NEGR1: variants seen among roughly 807,000 people sequenced by gnomAD.
The protein encoded by NEGR1 is IgLON family member 4.
Under a neutral mutation model 40.9 loss-of-function variants are expected in NEGR1, and 10 were observed. That is an observed-to-expected ratio of 0.24 (90% confidence interval 0.15 to 0.42). The LOEUF is 0.42. NEGR1 is among the 10% of genes least tolerant of loss of function. NEGR1 has a pLI of 1.00. For synonymous variants in NEGR1, 185 were observed against 166.8 expected (o/e 1.11, Z -0.84); for missense variants, 352 against 438.9 (o/e 0.80, Z 1.77).
chr1:71,684,692 T>C (rs759818830), intron 4 of NEGR1, among the ~76,000 whole-genome samples: 2 of 152,224 alleles, frequency 1.3e-5, no homozygotes, highest in African/African-American at 2.4e-5. Flanking sequence ...GAATGTTAAA[T>C]TGGAAGAGGA....
chr1:71,895,792 A>G (rs1242244196), intron 2 of NEGR1, among the ~76,000 whole-genome samples: 1 of 152,070 alleles, frequency 6.6e-6, no homozygotes, highest in Non-Finnish European at 1.5e-5. Flanking sequence ...ATATATTTTC[A>G]ATTTTACTGG....
chr1:71,816,181 C>G (rs982933633), intron 2 of NEGR1, among the ~76,000 whole-genome samples: 2 of 152,022 alleles, frequency 1.3e-5, no homozygotes, highest in Non-Finnish European at 2.9e-5. Flanking sequence ...AAAGAGAACT[C>G]AATATGTGAA....
At chr1:71,879,134 GAAA>G (rs58438323) in intron 2 of NEGR1, among the ~76,000 whole-genome samples, 1 of 135,992 alleles carries the variant, frequency 7.4e-6, no homozygotes. Flanking sequence ...ACTCTGTCTC[GAAA>G]AAAAAAAAAA....
intron 6 of NEGR1, among the ~76,000 whole-genome samples, chr1:71,455,522 C>T (rs986925771): frequency 1.3e-5 from 2 of 152,142 alleles, no homozygotes; most frequent in African/African-American, 4.8e-5. Flanking sequence ...GTCAGGAGAT[C>T]GAGACCATCC....
intron 6 of NEGR1, among the ~76,000 whole-genome samples, chr1:71,437,819 A>G (rs892413207): frequency 4.6e-5 from 7 of 152,204 alleles, no homozygotes; most frequent in African/African-American, 1.7e-4. Flanking sequence ...TGCTCATGCT[A>G]TATTTCAGGC....
At chr1:71,792,915 C>A (rs1165762258) in intron 2 of NEGR1, among the ~76,000 whole-genome samples, 1 of 151,896 alleles carries the variant, frequency 6.6e-6, no homozygotes, top group African/African-American at 2.4e-5. Context: ...TAATTGATTA[C>A]CAAGTTCATT....
chr1:71,846,659 A>C (rs562317011), intron 2 of NEGR1, among the ~76,000 whole-genome samples: 1 of 152,290 alleles, frequency 6.6e-6, no homozygotes, highest in East Asian at 1.9e-4. Context: ...AAAAAGCCTT[A>C]GAATGGGTAA....
At chr1:71,957,253 C>A (rs1407876082) in intron 1 of NEGR1, among the ~76,000 whole-genome samples, 1 of 151,982 alleles carries the variant, frequency 6.6e-6, no homozygotes, top group African/African-American at 2.4e-5. Flanking sequence ...ATTTAGTCTA[C>A]GGAGCAGAAA....
intron 2 of NEGR1, among the ~76,000 whole-genome samples, chr1:71,919,985 T>C (rs1645688887): frequency 2.0e-5 from 3 of 152,140 alleles, no homozygotes. Flanking sequence ...CAGGGTTCTC[T>C]GCTTAAGCTC....
At position 71,640,627 on chromosome 1, in the gene NEGR1, A is replaced by T. The variant is rs563482814; in HGVS notation, c.668-29481T>A. Among the ~76,000 whole-genome samples the T allele has an allele frequency of 2.0e-5, 3 of 152,074 alleles. No homozygotes were observed. The South Asian group carries it at 6.2e-4, about 31-fold the overall frequency. On this transcript the variant is annotated intron_variant, in intron 4 of 6. Transcript: ENST00000357731. ...AAATAAAGTTCTTTATTAATAACTC[A>T]GTATCAGACTAGAGGAAATTATCTC... is the stretch of plus-strand genomic sequence containing the variant.
At chr1:72,039,400 A>C (rs905326128) in intron 1 of NEGR1, among the ~76,000 whole-genome samples, 2 of 151,942 alleles carry the variant, frequency 1.3e-5, no homozygotes, top group Admixed American at 1.3e-4. Flanking sequence ...GTCCAGAGAA[A>C]AGACCCTGCT....
At chr1:72,125,451 AC>A (rs1392631064) in intron 1 of NEGR1, among the ~76,000 whole-genome samples, 2 of 145,928 alleles carry the variant, frequency 1.4e-5, no homozygotes, top group Non-Finnish European at 3.1e-5. Context: ...GCAATAGAAA[AC>A]GTGGCCAAAT....
intron 2 of NEGR1, among the ~76,000 whole-genome samples, chr1:71,820,701 C>G (rs1386201590): frequency 1.3e-5 from 2 of 151,898 alleles, no homozygotes; most frequent in Non-Finnish European, 2.9e-5. Context: ...TCACTGGGGT[C>G]AGAGCTATCA....
intron 6 of NEGR1, among the ~76,000 whole-genome samples, chr1:71,584,216 A>G (rs532732039): frequency 6.6e-6 from 1 of 152,324 alleles, no homozygotes; most frequent in South Asian, 2.1e-4. Context: ...GACACATTCA[A>G]TGAGGACATG....
intron 6 of NEGR1, among the ~76,000 whole-genome samples, chr1:71,586,699 A>G (rs1218003540): frequency 6.6e-6 from 1 of 152,112 alleles, no homozygotes; most frequent in East Asian, 1.9e-4. Flanking sequence ...TTTGGTGTCT[A>G]TCTTCTTGAA....
intron 3 of NEGR1, among the ~76,000 whole-genome samples, chr1:71,750,275 G>A (rs1485855085): frequency 6.6e-6 from 1 of 151,838 alleles, no homozygotes. Context: ...TTACAGGCGT[G>A]AGCCACCGCG....
chr1:71,942,873 C>A lies in NEGR1; in HGVS notation c.177-7562G>T, dbSNP rs1021983357. 2.6e-5 allele frequency among the ~76,000 whole-genome samples: 3 copies of A among 115,094 alleles called. No homozygotes were observed. In the Admixed American group the frequency reaches 2.8e-4, roughly 11 times the overall value. 75.5% of individuals were successfully genotyped at this position (115,094 alleles called of 152,430 possible). A position where few individuals can be genotyped will look rare whatever the true frequency, so the allele number is the denominator to read the frequency against. ...CTTGAGTACAGTGGAACGATCGTAG[C>A]TCACTGCAGCCTCGAACTCCTGGAC... On this transcript the variant is annotated intron_variant, in intron 1 of 6. Transcript: ENST00000357731.
At chr1:71,594,518 C>T (rs1166028805) in intron 5 of NEGR1, among the ~76,000 whole-genome samples, 1 of 151,990 alleles carries the variant, frequency 6.6e-6, no homozygotes, top group Non-Finnish European at 1.5e-5. Context: ...TTTGGCTTAC[C>T]CCAAATGCAA....
intron 1 of NEGR1, among the ~76,000 whole-genome samples, chr1:72,215,022 G>A (rs1405904901): frequency 6.6e-6 from 1 of 151,962 alleles, no homozygotes; most frequent in Non-Finnish European, 1.5e-5. Context: ...CAGATACAGA[G>A]ACCAATGAAA....
Sources: allele counts gnomAD v4.1 joint callset (sites outside exome capture counted in the v4.1 genomes callset), GRCh38; gene constraint gnomAD v4.1.1; transcripts MANE v1.5; gene names NCBI Gene and HGNC (gene_info 2026-07-23, HGNC 2026-07-21).